The following ARHGAP23 variants were observed in gnomAD, a reference collection of about 807,000 sequenced individuals.
ARHGAP23 encodes the protein Rho GTPase activating protein 23.
A neutral mutation model predicts 136.3 loss-of-function variants in ARHGAP23; 34 were observed. The observed-to-expected ratio is 0.25, with a 90% CI of 0.19 to 0.33. The LOEUF (loss-of-function observed/expected upper bound fraction) is 0.33. ARHGAP23 is among the 10% of genes least tolerant of loss of function. The probability of loss-of-function intolerance (pLI) is 1.00; values close to 1 mark genes in which losing one functional copy is unlikely to be tolerated. For synonymous variants in ARHGAP23, 832 were observed against 920.5 expected (o/e 0.90, Z 1.74); for missense variants, 1,808 against 2,139.0 (o/e 0.85, Z 3.05).
At chr17:38,504,226 T>G (rs1387386206) in intron 23 of ARHGAP23, among the ~76,000 whole-genome samples, 1 of 152,204 alleles carries the variant, frequency 6.6e-6, no homozygotes, top group Admixed American at 6.5e-5. Context: ...CGGCCAAGCC[T>G]CTAAGAAACG....
Position 38,510,166 on chromosome 17 carries a change from G to A in ARHGAP23, c.3670G>A (p.Glu1224Lys), listed in dbSNP as rs2040723270. Residue 1224 changes from glutamate (E) to lysine (K), a missense_variant, in exon 24 of 24, where the codon GAG becomes AAG. Glu to Lys is a moderately conservative substitution (Grantham distance 56). Around this residue, in one of 7 missense-constraint regions of ARHGAP23, gnomAD observed 506 missense variants for 455.8 expected, o/e 1.11. Coordinates refer to ENST00000622683, the MANE Select transcript of ARHGAP23 (RefSeq NM_001199417.2). This position sits in a 1 kb window ranked among gnomAD's most constrained non-coding sequence, Gnocchi z 4.6. ...GCCGCTGCCTGGCGCCGTCGCCCCC[G>A]AGGCCCCCGGACGCCTCAGTCCCCC... Reference protein sequence around the residue: ...QGPLPGAVAPEAPGRLSPPAA... With the variant: ...QGPLPGAVAPKAPGRLSPPAA... The A allele has an allele frequency of 8.5e-6, 11 of 1,295,022 alleles. No individual in the cohort carries two copies. Among genetic ancestry groups the A allele is most frequent in the Non-Finnish European group, 1.1e-5 (11 of 1,030,198 alleles). 80.2% of individuals were successfully genotyped at this position (1,295,022 alleles called of 1,614,324 possible).
At position 38,510,709 on chromosome 17, in the gene ARHGAP23, C is replaced by T. The variant is rs1264187154; in HGVS notation, c.4213C>T (p.Arg1405Cys). The change falls in exon 24 of 24, where the codon CGC becomes TGC. Residue 1405 changes from arginine to cysteine, a missense_variant. Arg to Cys is a radical substitution (Grantham distance 180). Coordinates refer to ENST00000622683, the MANE Select transcript of ARHGAP23 (RefSeq NM_001199417.2). This position sits in a 1 kb window ranked among gnomAD's most constrained non-coding sequence, Gnocchi z 4.6. ...ETRRRRSSWR[R>C]HTVVVQSPLT... Reference sequence around the variant, plus strand: ...CCGGCGGCGCCGGAGCAGCTGGCGCCGCCACACCGTGGTGGTGCAGAGCCC... The same window carrying T: ...CCGGCGGCGCCGGAGCAGCTGGCGCTGCCACACCGTGGTGGTGCAGAGCCC... 4 of 1,444,688 alleles carry T rather than the reference C, an allele frequency of 2.8e-6. No individual in the cohort carries two copies. Among genetic ancestry groups the T allele is most frequent in the Non-Finnish European group, 3.6e-6 (4 of 1,105,166 alleles). The allele number at this position is 1,444,688 out of a possible 1,614,324, so 89.5% of individuals were successfully genotyped here. A position where few individuals can be genotyped will look rare whatever the true frequency, so the allele number is the denominator to read the frequency against.
In ARHGAP23 at chr17:38,490,567, G is replaced by A. The variant is rs997418779; in HGVS notation, c.3150+16G>A. On this transcript the variant is annotated intron_variant, in intron 19 of 23. Coordinates refer to ENST00000622683, the MANE Select transcript of ARHGAP23 (RefSeq NM_001199417.2). ...GAAAAACAAGGTGGGTAGGAGTCCC[G>A]CATGGAGTCTGGGGGAGGCAAGCAC... 24 of 1,506,196 alleles carry A rather than the reference G, an allele frequency of 1.6e-5. No individual in the cohort carries two copies. Among genetic ancestry groups the A allele is most frequent in the African/African-American group, 1.5e-4 (11 of 71,954 alleles). The allele number at this position is 1,506,196 out of a possible 1,614,324, so 93.3% of individuals were successfully genotyped here. A position where few individuals can be genotyped will look rare whatever the true frequency, so the allele number is the denominator to read the frequency against.
At chr17:38,433,878 T>C (rs2038736280) in intron 1 of ARHGAP23, among the ~76,000 whole-genome samples, 1 of 152,146 alleles carries the variant, frequency 6.6e-6, no homozygotes, top group Non-Finnish European at 1.5e-5. Flanking sequence ...GAGAGGAGCC[T>C]GGGCCACTGG....
chr17:38,510,414 C>T lies in ARHGAP23; in HGVS notation c.3918C>T (p.Ser1306=), dbSNP rs1275594661. The change falls in exon 24 of 24, where the codon TCC becomes TCT. Residue 1306 remains serine (S), a synonymous_variant. Transcript: ENST00000622683. The surrounding 1 kb of genome is among the most constrained non-coding windows in gnomAD (Gnocchi z 4.6). ...GGGGGCGCCTGACACGCCGGCCGTC[C>T]TTCAGCTCGCACCACCTCATGCCCT... The part of the protein sequence containing the change: ...GPGGRLTRRP[S]FSSHHLMPCD... The T allele has an allele frequency of 1.5e-5, 18 of 1,238,540 alleles. No homozygotes were observed. The highest frequency in any genetic ancestry group is 1.7e-5 in the Non-Finnish European group (17 of 992,712). 76.7% of individuals were successfully genotyped at this position (1,238,540 alleles called of 1,614,324 possible).
intron 23 of ARHGAP23, among the ~76,000 whole-genome samples, chr17:38,509,157 A>G (rs1432780994): frequency 6.6e-6 from 1 of 152,006 alleles, no homozygotes; most frequent in Non-Finnish European, 1.5e-5. Flanking sequence ...CCCTCCTGGG[A>G]AAGTGTGAAA....
At chr17:38,423,661 C>T (rs1228558799), upstream of ARHGAP23, among the ~76,000 whole-genome samples, 1 of 152,178 alleles carries the variant, frequency 6.6e-6, no homozygotes, top group Non-Finnish European at 1.5e-5. Flanking sequence ...ATGTGAGCCA[C>T]CGCGCCTGGC....
At chr17:38,487,731 G>A (rs936874159) in intron 17 of ARHGAP23, among the ~76,000 whole-genome samples, 2 of 152,116 alleles carry the variant, frequency 1.3e-5, no homozygotes, top group Non-Finnish European at 2.9e-5. Flanking sequence ...GGATGTGGTG[G>A]CGGGTGCCTG....
rs1371876004 is a variant in ARHGAP23, at chr17:38,510,791, A to G, written c.4295A>G (p.Glu1432Gly). 2 of 1,502,364 alleles carry G rather than the reference A, an allele frequency of 1.3e-6. No individual in the cohort carries two copies. The highest frequency in any genetic ancestry group is 1.3e-5 in the South Asian group (1 of 79,480). 93.1% of individuals were successfully genotyped at this position (1,502,364 alleles called of 1,614,324 possible). The change falls in exon 24 of 24, where the codon GAG becomes GGG. Residue 1432 changes from glutamate (E) to glycine (G), a missense_variant. Glu to Gly is a moderately conservative substitution (Grantham distance 98). Transcript: ENST00000622683. The surrounding 1 kb of genome is among the most constrained non-coding windows in gnomAD (Gnocchi z 4.6). ...WKELGGGGPP[E>G]PAGARAHSDN... The stretch of plus-strand genomic sequence containing the variant: ...GAGCTGGGCGGAGGGGGCCCCCCGG[A>G]GCCTGCGGGCGCGCGGGCGCACAGT...
chr17:38,467,234 C>A lies in ARHGAP23; in HGVS notation c.1551C>A (p.Ser517=), dbSNP rs1051657704. 3.2e-6 allele frequency: 5 copies of A among 1,550,808 alleles called. No homozygotes were observed. The highest frequency in any genetic ancestry group is 2.6e-6 in the Non-Finnish European group (3 of 1,146,524). ...RQMNLGFGDE[S]PEPEASGRGE... Reference sequence around the variant, plus strand: ...TGAACCTTGGATTTGGTGACGAGTCCCCAGAGCCAGAGGCCAGTGGGCGAG... The same window carrying A: ...TGAACCTTGGATTTGGTGACGAGTCACCAGAGCCAGAGGCCAGTGGGCGAG... The change falls in exon 7 of 24, where the codon TCC becomes TCA. Residue 517 remains serine (S), a synonymous_variant. Transcript: ENST00000622683.
rs1216602555 is a variant in ARHGAP23, at chr17:38,511,141, GAGA to G, written c.*172_*174del. On this transcript the variant is annotated 3_prime_UTR_variant, in exon 24 of 24. Transcript: ENST00000622683. ...GTGTGCTGGAACTGGCAGGGCAGAG[GAGA>G]AGGCTGGGGCCGGACTAATTGAATG... 27 of 724,490 alleles carry G rather than the reference GAGA, an allele frequency of 3.7e-5. No homozygotes were observed. Among genetic ancestry groups the G allele is most frequent in the Non-Finnish European group, 5.5e-5 (27 of 490,260 alleles). The allele number at this position is 724,490 out of a possible 1,614,324, so 44.9% of individuals were successfully genotyped here.
Position 38,469,641 on chromosome 17 carries a change from G to T in ARHGAP23, c.1916+6G>T, listed in dbSNP as rs1597801157. ...GACGAGGGCCGGGTTCTGCGGTGAG[G>T]CCCTGTCCGGACACGGGGTGGGGTG... On this transcript the variant is annotated splice_donor_region_variant and intron_variant, in intron 9 of 23. Coordinates refer to ENST00000622683, the MANE Select transcript of ARHGAP23 (RefSeq NM_001199417.2). 1 of 1,548,038 alleles carries T rather than the reference G, an allele frequency of 6.5e-7. No homozygotes were observed. The highest frequency in any genetic ancestry group is 1.2e-5 in the South Asian group (1 of 83,872).
intron 1 of ARHGAP23, among the ~76,000 whole-genome samples, chr17:38,443,666 C>T (rs1035976350): frequency 5.9e-4 from 10 of 16,864 alleles, no homozygotes; most frequent in Admixed American, 8.8e-4. Context: ...CAGGGGTAAC[C>T]GGGAGGGATG....
chr17:38,508,052 T>G (rs2040673677), intron 23 of ARHGAP23, among the ~76,000 whole-genome samples: 1 of 152,238 alleles, frequency 6.6e-6, no homozygotes, highest in African/African-American at 2.4e-5. Flanking sequence ...ACCAATTGTT[T>G]GTTCATTTCA....
intron 1 of ARHGAP23, among the ~76,000 whole-genome samples, chr17:38,441,949 C>T (rs1416749292): frequency 6.6e-6 from 1 of 151,776 alleles, no homozygotes; most frequent in Non-Finnish European, 1.5e-5. Flanking sequence ...TTTTCCCCAC[C>T]CCTTTCTCCC....
intron 1 of ARHGAP23, chr17:38,453,771 G>A (rs1203239003): frequency 2.7e-5 from 4 of 145,858 alleles, no homozygotes; most frequent in Non-Finnish European, 6.1e-5. Flanking sequence ...GTCCCTTCGG[G>A]GCCCCCGGGC....
chr17:38,456,004 C>T (rs1366938853), intron 1 of ARHGAP23, among the ~76,000 whole-genome samples: 2 of 152,096 alleles, frequency 1.3e-5, no homozygotes, highest in South Asian at 2.1e-4. Flanking sequence ...TTTACGTGGC[C>T]CCTGTCTGGT....
intron 16 of ARHGAP23, among the ~76,000 whole-genome samples, chr17:38,483,765 G>A (rs1219948925): frequency 6.6e-6 from 1 of 152,228 alleles, no homozygotes; most frequent in Non-Finnish European, 1.5e-5. Flanking sequence ...AGGGTGCTCA[G>A]GCTGGAGCAG....
At chr17:38,463,286 C>G in intron 5 of ARHGAP23, 42 bp from the exon 6 acceptor site, 1 of 1,551,594 alleles carries the variant, frequency 6.4e-7, no homozygotes, top group Non-Finnish European at 8.7e-7. Context: ...CCTCCTGGAC[C>G]CTGTTCCTTG....
Sources: gnomAD v4.1 joint callset for allele counts (sites outside exome capture counted in the v4.1 genomes callset) on GRCh38, gnomAD v4.1.1 for gene constraint, gnomAD v4.1.1 regional missense constraint, Gnocchi (gnomAD v3.1) non-coding constraint, MANE v1.5 for transcripts, NCBI Gene and HGNC (gene_info 2026-07-23, HGNC 2026-07-21) for gene names.